Variants in RIMS2 observed in about 807,000 individuals in gnomAD.
The protein encoded by RIMS2 is regulating synaptic membrane exocytosis protein 2.
A neutral mutation model predicts 174.4 loss-of-function variants in RIMS2; 59 were observed. The ratio of observed to expected loss-of-function variants is 0.34; its 90% CI spans 0.27 to 0.42. The LOEUF (loss-of-function observed/expected upper bound fraction) is 0.42. Among genes scored for constraint, RIMS2 ranks in the 10% least tolerant of loss-of-function variants. The probability of loss-of-function intolerance (pLI) is 1.00; values close to 1 mark genes in which losing one functional copy is unlikely to be tolerated. For missense variants in RIMS2, 1,620 were observed against 1,666.3 expected (o/e 0.97, Z 0.48); for synonymous variants, 606 against 572.5 (o/e 1.06, Z -0.84).
At chr8:103,863,208 A>G (rs1409194870) in intron 3 of RIMS2, among the ~76,000 whole-genome samples, 5 of 152,178 alleles carry the variant, frequency 3.3e-5, no homozygotes, top group African/African-American at 7.2e-5. Flanking sequence ...TTTTTTTGAC[A>G]TCTGTTGAGA....
At chr8:104,240,864 G>A (rs1433681766) in intron 19 of RIMS2, among the ~76,000 whole-genome samples, 2 of 152,070 alleles carry the variant, frequency 1.3e-5, no homozygotes, top group African/African-American at 4.8e-5. Context: ...GCTTTTCTAT[G>A]CATCAGGCAC....
intron 19 of RIMS2, among the ~76,000 whole-genome samples, chr8:104,070,602 T>A (rs118168785): frequency 0.018 from 2,784 of 152,330 alleles, 41 homozygotes; most frequent in Non-Finnish European, 0.029. Context: ...GTGGTTTTTT[T>A]ATGCTGTAGT....
chr8:103,951,156 A>G (rs1169846532), intron 14 of RIMS2, among the ~76,000 whole-genome samples: 7 of 152,246 alleles, frequency 4.6e-5, no homozygotes, highest in Non-Finnish European at 1.5e-5. Context: ...GTGGCTTTCA[A>G]TAACATTCCA....
chr8:103,820,603 A>T (rs2098746016), intron 3 of RIMS2, among the ~76,000 whole-genome samples: 1 of 151,924 alleles, frequency 6.6e-6, no homozygotes, highest in Non-Finnish European at 1.5e-5. Flanking sequence ...TAGCAAATGA[A>T]AAAAAGGCTT....
rs35964420 is a variant in RIMS2, at chr8:103,961,150, T to G, written c.2770+17T>G. 0.24 allele frequency: 261,757 copies of G among 1,073,588 alleles called. 34,019 individuals carry two copies. The highest frequency in any genetic ancestry group is 0.38 in the Middle Eastern group (1,869 of 4,928). 66.5% of individuals were successfully genotyped at this position (1,073,588 alleles called of 1,614,324 possible). On this transcript the variant is annotated intron_variant, in intron 15 of 23. Coordinates refer to ENST00000504942, the Ensembl canonical transcript of RIMS2. The stretch of plus-strand genomic sequence containing the variant: ...TAGTATCAGGTAAGAATTTTAGAAT[T>G]ATTTTATAGTATTAAAAAGGGAGTG...
chr8:104,010,724 A>G (rs2095733808), intron 17 of RIMS2, among the ~76,000 whole-genome samples: 1 of 152,200 alleles, frequency 6.6e-6, no homozygotes, highest in Non-Finnish European at 1.5e-5. Context: ...TTTTTAAAAG[A>G]CAATGGAATT....
At chr8:104,015,479 G>C in intron 19 of RIMS2, 1 of 679,226 alleles carries the variant, frequency 1.5e-6, no homozygotes, top group South Asian at 1.6e-5. Context: ...AAGAGGGTTT[G>C]TTTTGTGCTA....
chr8:103,566,487 G>T (rs2092358902), intron 1 of RIMS2, among the ~76,000 whole-genome samples: 1 of 152,100 alleles, frequency 6.6e-6, no homozygotes, highest in Non-Finnish European at 1.5e-5. Context: ...TGGGAAAATG[G>T]AGTGTATAAC....
intron 1 of RIMS2, among the ~76,000 whole-genome samples, chr8:103,595,434 G>A (rs1185299588): frequency 6.6e-6 from 1 of 151,810 alleles, no homozygotes; most frequent in Non-Finnish European, 1.5e-5. Flanking sequence ...TCATGAGATG[G>A]GAGAAAGTGT....
chr8:104,094,427 C>CT (rs1168147284), intron 19 of RIMS2: 2 of 586,154 alleles, frequency 3.4e-6, no homozygotes, highest in Non-Finnish European at 6.1e-6. Context: ...TCTTGACTTT[C>CT]TTTTTTTGTG....
intron 12 of RIMS2, among the ~76,000 whole-genome samples, chr8:103,936,101 C>T (rs2081191444): frequency 6.6e-6 from 1 of 152,038 alleles, no homozygotes; most frequent in Non-Finnish European, 1.5e-5. Flanking sequence ...TTAGCTAGAA[C>T]TTTATAGATA....
At chr8:103,853,999 T>A (rs1180409640) in intron 3 of RIMS2, among the ~76,000 whole-genome samples, 2 of 152,154 alleles carry the variant, frequency 1.3e-5, no homozygotes, top group Admixed American at 1.3e-4. Context: ...TTTAACAATA[T>A]TGATTCTTGC....
At chr8:103,721,146 T>A (rs1320988805) in intron 2 of RIMS2, among the ~76,000 whole-genome samples, 2 of 152,178 alleles carry the variant, frequency 1.3e-5, no homozygotes, top group African/African-American at 2.4e-5. Flanking sequence ...GCTCTGGCCA[T>A]GTAAGATGTG....
intron 2 of RIMS2, among the ~76,000 whole-genome samples, chr8:103,752,826 AT>A (rs2097912246): frequency 6.6e-6 from 1 of 152,054 alleles, no homozygotes; most frequent in African/African-American, 2.4e-5. Flanking sequence ...GCTTAAGGAG[AT>A]TTTGGGCTGA....
At chr8:103,703,102 C>T (rs1170419056) in intron 2 of RIMS2, among the ~76,000 whole-genome samples, 2 of 151,360 alleles carry the variant, frequency 1.3e-5, no homozygotes, top group African/African-American at 2.4e-5. Flanking sequence ...CTGCCTTGGC[C>T]TTTTGAGTAT....
chr8:103,546,889 T>A (rs972033914), intron 1 of RIMS2, among the ~76,000 whole-genome samples: 2 of 152,196 alleles, frequency 1.3e-5, no homozygotes, highest in African/African-American at 2.4e-5. Flanking sequence ...CTTTAGGAAA[T>A]GTTTTCTCAG....
intron 1 of RIMS2, among the ~76,000 whole-genome samples, chr8:103,512,122 TTGAG>T (rs1826752579): frequency 6.6e-6 from 1 of 152,090 alleles, no homozygotes; most frequent in Non-Finnish European, 1.5e-5. Context: ...TGCTAAGAGG[TTGAG>T]TAACACTGGG....
rs192861666 is a variant in RIMS2, at chr8:104,183,212, T to C, written c.3335-61704T>C. ...GCTTTCTATGGCAGAATTGATATAA[T>C]TTTTCTAATTATTTAATCTATGTTC... On this transcript the variant is annotated intron_variant, in intron 19 of 23. Transcript: ENST00000504942. Among the ~76,000 whole-genome samples, 9 of 151,844 alleles carry C rather than the reference T, an allele frequency of 5.9e-5. No homozygotes were observed. The East Asian group carries it at 1.7e-3, about 29-fold the overall frequency.
intron 1 of RIMS2, among the ~76,000 whole-genome samples, chr8:103,542,656 T>G (rs1408299621): frequency 6.6e-6 from 1 of 152,168 alleles, no homozygotes; most frequent in Non-Finnish European, 1.5e-5. Context: ...CAACACCATA[T>G]TAAATGGACC....
Sources: allele counts gnomAD v4.1 joint callset (sites outside exome capture counted in the v4.1 genomes callset), GRCh38; gene constraint gnomAD v4.1.1; transcripts MANE v1.5; gene names NCBI Gene and HGNC (gene_info 2026-07-23, HGNC 2026-07-21).